The following WDPCP variants were observed in gnomAD, a reference collection of about 807,000 sequenced individuals.
WDPCP encodes the protein WD repeat-containing and planar cell polarity effector protein fritz homolog.
Under a neutral mutation model 93.1 loss-of-function variants are expected in WDPCP, and 71 were observed. That is an observed-to-expected ratio of 0.76 (90% CI 0.63 to 0.93). WDPCP has a LOEUF of 0.93. WDPCP is among the 40% of genes least tolerant of loss of function. WDPCP has a pLI of 0.00. For synonymous variants in WDPCP, 315 were observed against 315.0 expected, an observed-to-expected ratio of 1.00 and a Z score of 0.00; for missense variants, 844 against 887.4, an observed-to-expected ratio of 0.95 and a Z score of 0.62.
intron 2 of WDPCP, among the ~76,000 whole-genome samples, chr2:63,492,219 TAAAG>T (rs1700923364): frequency 6.8e-6 from 1 of 147,382 alleles, no homozygotes; most frequent in Non-Finnish European, 1.5e-5. Context: ...TTACTTCGTA[TAAAG>T]ATTTTTTAAA....
At chr2:63,553,758 A>C (rs1477400953) in intron 1 of WDPCP, among the ~76,000 whole-genome samples, 1 of 152,174 alleles carries the variant, frequency 6.6e-6, no homozygotes, top group Non-Finnish European at 1.5e-5. Flanking sequence ...TTTCAAGTTA[A>C]TGGAAGTGTT....
chr2:63,205,989 G>A (rs1006400874), intron 14 of WDPCP, among the ~76,000 whole-genome samples: 3 of 152,048 alleles, frequency 2.0e-5, no homozygotes, highest in Non-Finnish European at 4.4e-5. Flanking sequence ...ATTAAGCTGA[G>A]GTATATTCTT....
chr2:63,703,432 T>C (rs1442410033), intron 2 of WDPCP, among the ~76,000 whole-genome samples: 1 of 152,242 alleles, frequency 6.6e-6, no homozygotes, highest in East Asian at 1.9e-4. Context: ...TGTGAGATGG[T>C]ATCTCATTGT....
chr2:63,783,007 C>A (rs921272096), intron 2 of WDPCP, among the ~76,000 whole-genome samples: 1 of 152,076 alleles, frequency 6.6e-6, no homozygotes, highest in Non-Finnish European at 1.5e-5. Flanking sequence ...ATTAGTACAA[C>A]CTCTATGGAA....
At chr2:63,183,966 T>C (rs1674439047) in intron 14 of WDPCP, among the ~76,000 whole-genome samples, 1 of 152,152 alleles carries the variant, frequency 6.6e-6, no homozygotes, top group Non-Finnish European at 1.5e-5. Context: ...AGTTTCTGTT[T>C]GTGCAGGAGA....
intron 14 of WDPCP, among the ~76,000 whole-genome samples, chr2:63,253,649 T>C (rs1279002006): frequency 6.6e-6 from 1 of 152,078 alleles, no homozygotes; most frequent in Non-Finnish European, 1.5e-5. Context: ...ATGCTCAATG[T>C]CACTAATCAA....
intron 1 of WDPCP, among the ~76,000 whole-genome samples, chr2:63,545,336 TGA>T (rs371799461): frequency 9.4e-5 from 14 of 148,412 alleles, no homozygotes; most frequent in East Asian, 2.0e-4. Flanking sequence ...TGTGTGTGTG[TGA>T]GAGAGAGAGA....
At chr2:63,695,303 T>A (rs534917975) in intron 2 of WDPCP, among the ~76,000 whole-genome samples, 1 of 152,350 alleles carries the variant, frequency 6.6e-6, no homozygotes, top group Admixed American at 6.5e-5. Flanking sequence ...TATATATAAT[T>A]CAATAGATAT....
At chr2:63,708,231 C>A (rs957904487) in intron 2 of WDPCP, among the ~76,000 whole-genome samples, 2 of 152,166 alleles carry the variant, frequency 1.3e-5, no homozygotes, top group Non-Finnish European at 1.5e-5. Flanking sequence ...AGAGGTGGAG[C>A]CTACAGAGGC....
intron 12 of WDPCP, among the ~76,000 whole-genome samples, chr2:63,358,164 C>T (rs1006588130): frequency 1.4e-4 from 21 of 152,150 alleles, no homozygotes; most frequent in Non-Finnish European, 2.6e-4. Context: ...ATGAAATAAT[C>T]TGTACAACAA....
Position 63,602,934 on chromosome 2 carries a change from C to CTTTTTTTTTTTT in WDPCP, n.488+47713_488+47724dup, listed in dbSNP as rs370479356. 1.2e-3 allele frequency among the ~76,000 whole-genome samples: 164 copies of CTTTTTTTTTTTT among 131,534 alleles called. 13 individuals are homozygous for CTTTTTTTTTTTT. Among genetic ancestry groups the CTTTTTTTTTTTT allele is most frequent in the Non-Finnish European group, 2.1e-3 (126 of 59,556 alleles). The allele number at this position is 131,534 out of a possible 152,430, so 86.3% of individuals were successfully genotyped here. On this transcript the variant is annotated intron_variant and non_coding_transcript_variant, in intron 3 of 4. Coordinates refer to the WDPCP transcript ENST00000467687. The stretch of plus-strand genomic sequence containing the variant: ...ACATAATACAGTTTATTTAACCGTT[C>CTTTTTTTTTTTT]TTTTTTTTTTTTTTTTTTTTTTTTT...
At chr2:63,387,292 G>A (rs1419397238) in intron 10 of WDPCP, among the ~76,000 whole-genome samples, 1 of 151,942 alleles carries the variant, frequency 6.6e-6, no homozygotes, top group Non-Finnish European at 1.5e-5. Flanking sequence ...CCACAAATAA[G>A]TAGGTTTTAT....
At chr2:63,547,525 G>C (rs1346479905) in intron 1 of WDPCP, among the ~76,000 whole-genome samples, 1 of 150,266 alleles carries the variant, frequency 6.7e-6, no homozygotes, top group Non-Finnish European at 1.5e-5. Flanking sequence ...GCCCATCAAT[G>C]GATAAACAGA....
chr2:63,743,356 C>T (rs1204313464), intron 2 of WDPCP, among the ~76,000 whole-genome samples: 3 of 152,030 alleles, frequency 2.0e-5, no homozygotes, highest in East Asian at 1.9e-4. Context: ...ATTTGGTTAC[C>T]GCCTGTCCTT....
At chr2:63,246,646 G>A (rs1334729185) in intron 14 of WDPCP, among the ~76,000 whole-genome samples, 1 of 152,202 alleles carries the variant, frequency 6.6e-6, no homozygotes, top group Non-Finnish European at 1.5e-5. Context: ...TAAAGACACA[G>A]TTGTGCGTGA....
chr2:63,128,933 G>A (rs1670107330), intron 17 of WDPCP, among the ~76,000 whole-genome samples: 1 of 152,220 alleles, frequency 6.6e-6, no homozygotes, highest in Non-Finnish European at 1.5e-5. Flanking sequence ...CTCTGAAAGT[G>A]CTGGGATTAC....
At chr2:63,378,891 C>G (rs1215495246) in intron 11 of WDPCP, among the ~76,000 whole-genome samples, 1 of 152,106 alleles carries the variant, frequency 6.6e-6, no homozygotes, top group Non-Finnish European at 1.5e-5. Flanking sequence ...GAAAACTGAC[C>G]TTTCTTCATT....
chr2:63,149,435 C>T (rs12473894), intron 17 of WDPCP, among the ~76,000 whole-genome samples: 24,212 of 152,044 alleles, frequency 0.16, 2,516 homozygotes, highest in Admixed American at 0.22. Flanking sequence ...ATTGGCAAAA[C>T]TACTCTAGGA....
At position 63,553,588 on chromosome 2, in the gene WDPCP, T is replaced by C. The variant is rs139785929; in HGVS notation, c.75+34609A>G. 4.0e-3 allele frequency among the ~76,000 whole-genome samples: 604 copies of C among 152,300 alleles called. 3 individuals are homozygous for C. Among genetic ancestry groups the C allele is most frequent in the African/African-American group, 0.014 (580 of 41,574 alleles). ...AAGACATAATTTTCCATTCTTCTAT[T>C]TTGTGTAAATATTTAAGCTCACCTT... On this transcript the variant is annotated intron_variant, in intron 1 of 17. Transcript: ENST00000272321.
Sources: allele counts gnomAD v4.1 joint callset (sites outside exome capture counted in the v4.1 genomes callset), GRCh38; gene constraint gnomAD v4.1.1; transcripts MANE v1.5; gene names NCBI Gene and HGNC (gene_info 2026-07-23, HGNC 2026-07-21).